The following HDAC4 variants were observed in gnomAD, a reference collection of about 807,000 sequenced individuals.
HDAC4 encodes the protein histone deacetylase A.
In HDAC4, 16 loss-of-function variants were observed where a neutral mutation model predicts 135.1. That is an observed-to-expected ratio of 0.12 (90% confidence interval 0.08 to 0.18). The LOEUF is 0.18. HDAC4 is among the 10% of genes least tolerant of loss of function. The probability of loss-of-function intolerance (pLI) is 1.00; values close to 1 mark genes in which losing one functional copy is unlikely to be tolerated. For synonymous variants in HDAC4, 685 were observed against 653.4 expected (o/e 1.05, Z -0.74); for missense variants, 1,143 against 1,511.8 (o/e 0.76, Z 4.05).
chr2:239,206,904 G>A (rs1478789494), intron 3 of HDAC4, among the ~76,000 whole-genome samples: 2 of 152,214 alleles, frequency 1.3e-5, no homozygotes, highest in Non-Finnish European at 2.9e-5. Context: ...TGCAGTAAAA[G>A]AGTCCCTATC....
At chr2:239,137,076 T>G (rs2041014763) in intron 9 of HDAC4, among the ~76,000 whole-genome samples, 1 of 152,256 alleles carries the variant, frequency 6.6e-6, no homozygotes, top group African/African-American at 2.4e-5. Flanking sequence ...GTTCTAATGT[T>G]TGCAAAGTTT....
At chr2:239,066,669 A>G in intron 24 of HDAC4, 53 bp downstream of exon 24, 1 of 1,611,122 alleles carries the variant, frequency 6.2e-7, no homozygotes, top group South Asian at 1.1e-5. Context: ...CCAGGCCACA[A>G]CCCCGAGCCT....
intron 1 of HDAC4, among the ~76,000 whole-genome samples, chr2:239,392,580 C>T (rs910365018): frequency 6.6e-6 from 1 of 152,196 alleles, no homozygotes; most frequent in Non-Finnish European, 1.5e-5. Flanking sequence ...AGATACACCC[C>T]GCTTGTGTGG....
chr2:239,394,706 C>T (rs969072378), intron 1 of HDAC4, among the ~76,000 whole-genome samples: 5 of 152,258 alleles, frequency 3.3e-5, no homozygotes, highest in Admixed American at 1.3e-4. Context: ...GCAAGAACCC[C>T]GCAGAGGGGC....
intron 3 of HDAC4, among the ~76,000 whole-genome samples, chr2:239,192,947 A>G (rs1273006021): frequency 1.3e-5 from 2 of 152,286 alleles, no homozygotes; most frequent in African/African-American, 4.8e-5. Context: ...CATGTTATTT[A>G]GAATGCTGGT....
At chr2:239,160,335 G>A (rs896469418) in intron 6 of HDAC4, among the ~76,000 whole-genome samples, 7 of 152,180 alleles carry the variant, frequency 4.6e-5, no homozygotes, top group African/African-American at 1.2e-4. Flanking sequence ...TGTCCTGGTC[G>A]GACCCAGCCA....
chr2:239,351,858 G>A (rs1288124357), intron 2 of HDAC4: 1 of 154,210 alleles, frequency 6.5e-6, no homozygotes, highest in Non-Finnish European at 1.5e-5. Flanking sequence ...CAAGACAGAA[G>A]TCGATGGCTA....
chr2:239,111,435 C>A, intron 14 of HDAC4, 91 bp downstream of exon 14: 1 of 1,329,884 alleles, frequency 7.5e-7, no homozygotes, highest in Non-Finnish European at 1.1e-6. Flanking sequence ...CCCTCCTCAG[C>A]CTCTGCAGAG....
chr2:239,066,586 GCA>G, intron 24 of HDAC4, 134 bp downstream of exon 24: 1 of 1,151,570 alleles, frequency 8.7e-7, no homozygotes, highest in Non-Finnish European at 1.3e-6. Context: ...GGGGGCAGGT[GCA>G]AGGCGGAGCT....
At chr2:239,243,451 T>C (rs11887902) in intron 2 of HDAC4, among the ~76,000 whole-genome samples, 46,404 of 152,062 alleles carry the variant, frequency 0.31, 7,963 homozygotes, top group East Asian at 0.49. Context: ...CGCTCCCGGC[T>C]GGATAAATTA....
intron 22 of HDAC4, among the ~76,000 whole-genome samples, chr2:239,080,653 G>A (rs933301058): frequency 6.6e-6 from 1 of 152,222 alleles, no homozygotes; most frequent in African/African-American, 2.4e-5. Context: ...GGGAGGGAGG[G>A]CGACAACTGC....
intron 15 of HDAC4, among the ~76,000 whole-genome samples, chr2:239,103,845 G>A (rs1288741412): frequency 2.0e-5 from 3 of 152,258 alleles, no homozygotes; most frequent in African/African-American, 7.2e-5. Flanking sequence ...CCTGCAGGAC[G>A]CATTGCACCT....
At chr2:239,113,480 G>C (rs1470902200) in intron 13 of HDAC4, among the ~76,000 whole-genome samples, 6 of 152,164 alleles carry the variant, frequency 3.9e-5, no homozygotes, top group Non-Finnish European at 8.8e-5. Context: ...TGTTTACCTC[G>C]GCAAATTGCT....
At chr2:239,376,274 A>T (rs1694998660) in intron 1 of HDAC4, among the ~76,000 whole-genome samples, 2 of 151,482 alleles carry the variant, frequency 1.3e-5, no homozygotes, top group African/African-American at 4.9e-5. Context: ...TGTGCTCACA[A>T]CCCTCCACCA....
At chr2:239,063,086 C>T (rs1349195491) in intron 24 of HDAC4, among the ~76,000 whole-genome samples, 3 of 152,172 alleles carry the variant, frequency 2.0e-5, no homozygotes, top group Non-Finnish European at 2.9e-5. Flanking sequence ...CATGGGGTCT[C>T]GCATACTCCA....
chr2:239,386,106 A>G (rs908259), intron 1 of HDAC4, among the ~76,000 whole-genome samples: 125,116 of 151,890 alleles, frequency 0.82, 51,747 homozygotes, highest in East Asian at 0.94. Context: ...ATGATGAGCC[A>G]CAGGATGCCA....
chr2:239,397,886 G>T (rs1259736842), intron 1 of HDAC4, among the ~76,000 whole-genome samples: 1 of 152,134 alleles, frequency 6.6e-6, no homozygotes, highest in African/African-American at 2.4e-5. Flanking sequence ...AAAACCCAGA[G>T]CCCACCACAC....
chr2:239,399,425 CACCACCACCTTTCCTGGCTAGGTCCTGAA>C (rs753302707), intron 1 of HDAC4, among the ~76,000 whole-genome samples: 39 of 152,164 alleles, frequency 2.6e-4, no homozygotes, highest in Non-Finnish European at 3.1e-4. Context: ...CCCCAGCCAC[CACCACCACCTTTCCTGGCTAGGTCCTGAA>C]ACCACCACAC....
chr2:239,304,281 T>C (rs2052448306), intron 2 of HDAC4, among the ~76,000 whole-genome samples: 1 of 151,254 alleles, frequency 6.6e-6, no homozygotes, highest in South Asian at 2.1e-4. Context: ...GGGGAAGGAG[T>C]CCACACAGGA....
Sources: allele counts gnomAD v4.1 joint callset (sites outside exome capture counted in the v4.1 genomes callset), GRCh38; gene constraint gnomAD v4.1.1; transcripts MANE v1.5; gene names NCBI Gene and HGNC (gene_info 2026-07-23, HGNC 2026-07-21).